PIBF1: variants seen among roughly 807,000 people sequenced by gnomAD.
PIBF1 encodes the protein progesterone-induced-blocking factor 1.
Under a neutral mutation model 112.5 loss-of-function variants are expected in PIBF1, and 90 were observed. That is an observed-to-expected ratio of 0.80 (90% CI 0.67 to 0.95). The LOEUF is 0.95. Ranked by LOEUF, PIBF1 falls within the 40% of genes least tolerant of loss-of-function variation. The pLI is 0.00. For synonymous variants in PIBF1, 301 were observed against 288.6 expected (o/e 1.04, Z -0.44); for missense variants, 915 against 852.3 (o/e 1.07, Z -0.92).
intron 11 of PIBF1, among the ~76,000 whole-genome samples, chr13:72,904,433 C>CTTTTTT (rs71099767): frequency 0.016 from 602 of 36,536 alleles, 146 homozygotes; most frequent in Admixed American, 0.024. Flanking sequence ...CAAAATATTT[C>CTTTTTT]TTTTTTTTTT....
At chr13:72,825,285 T>A (rs762214501) in intron 6 of PIBF1, among the ~76,000 whole-genome samples, 2 of 152,236 alleles carry the variant, frequency 1.3e-5, no homozygotes, top group Non-Finnish European at 2.9e-5. Flanking sequence ...CTGAATATGA[T>A]AATTATACTG....
chr13:72,985,678 C>T (rs527290513), intron 16 of PIBF1, among the ~76,000 whole-genome samples: 8 of 152,250 alleles, frequency 5.3e-5, no homozygotes, highest in South Asian at 2.1e-4. Flanking sequence ...TCACTGATCC[C>T]GTATCAAGGA....
chr13:72,957,853 G>A (rs2042491213), intron 14 of PIBF1, among the ~76,000 whole-genome samples: 1 of 152,034 alleles, frequency 6.6e-6, no homozygotes, highest in South Asian at 2.1e-4. Flanking sequence ...GGAGGCTGAA[G>A]TGGAAGGAGG....
rs117678675 is a variant in PIBF1, at chr13:72,870,428, G to C, written c.1322+16273G>C. Reference sequence around the variant, plus strand: ...AGAATCTGGAGAAAAATATGTACGTGTGCTCAGATTTCTCTTTGTTGGAGT... The same window carrying C: ...AGAATCTGGAGAAAAATATGTACGTCTGCTCAGATTTCTCTTTGTTGGAGT... On this transcript the variant is annotated intron_variant, in intron 10 of 17. Transcript: ENST00000326291. Among the ~76,000 whole-genome samples the C allele has an allele frequency of 1.6e-4, 24 of 152,272 alleles. No individual in the cohort carries two copies. The East Asian group carries it at 4.6e-3, about 29-fold the overall frequency.
intron 5 of PIBF1, among the ~76,000 whole-genome samples, chr13:72,808,801 A>G (rs1334862050): frequency 6.6e-6 from 1 of 152,192 alleles, no homozygotes; most frequent in Non-Finnish European, 1.5e-5. Context: ...CCAACCTGGC[A>G]CAGAATGGGA....
chr13:72,894,538 G>A (rs957014746), intron 11 of PIBF1, among the ~76,000 whole-genome samples: 20 of 151,698 alleles, frequency 1.3e-4, no homozygotes, highest in African/African-American at 4.6e-4. Flanking sequence ...GGTATAAAAT[G>A]TAAAGCCCCA....
chr13:72,795,235 G>A, intron 3 of PIBF1, 124 bp from the exon 4 acceptor site: 1 of 652,136 alleles, frequency 1.5e-6, no homozygotes, highest in Non-Finnish European at 2.7e-6. Flanking sequence ...TTTAGCTGGA[G>A]TAAGTAAATA....
chr13:72,886,984 A>C (rs958041512), intron 10 of PIBF1, among the ~76,000 whole-genome samples: 16 of 151,620 alleles, frequency 1.1e-4, no homozygotes, highest in African/African-American at 3.9e-4. Context: ...ACAATTTGGA[A>C]AATTTCACAT....
intron 14 of PIBF1, among the ~76,000 whole-genome samples, chr13:72,959,508 C>G (rs1321345367): frequency 1.3e-5 from 2 of 152,088 alleles, no homozygotes; most frequent in African/African-American, 4.8e-5. Flanking sequence ...GAAAGCAACT[C>G]AATGTTAAAT....
chr13:72,938,901 A>G (rs1256695096), intron 14 of PIBF1, among the ~76,000 whole-genome samples: 1 of 152,056 alleles, frequency 6.6e-6, no homozygotes, highest in Non-Finnish European at 1.5e-5. Context: ...TTTGCTTTGC[A>G]TTTCTCTAAT....
intron 9 of PIBF1, among the ~76,000 whole-genome samples, chr13:72,837,512 G>A (rs886652812): frequency 2.6e-5 from 4 of 151,962 alleles, no homozygotes; most frequent in African/African-American, 9.7e-5. Context: ...TTGCATGTAT[G>A]TGTATAAAAT....
intron 11 of PIBF1, among the ~76,000 whole-genome samples, chr13:72,907,669 A>C (rs2040747626): frequency 6.6e-6 from 1 of 152,044 alleles, no homozygotes; most frequent in South Asian, 2.1e-4. Context: ...CTGGCTCCAA[A>C]CCATATTCTT....
In PIBF1 at chr13:72,937,112, T is replaced by C. The variant is rs1223588206; in HGVS notation, c.1833+5845T>C. On this transcript the variant is annotated intron_variant, in intron 14 of 17. Coordinates refer to ENST00000326291, the MANE Select transcript of PIBF1 (RefSeq NM_006346.4). ...TCTTCTTTTAACCCGTCTGACAAAA[T>C]ATGATTTTCAATTGGAGATTTTTTT... Among the ~76,000 whole-genome samples the C allele has an allele frequency of 3.9e-5, 6 of 152,132 alleles. No individual in the cohort carries two copies. In the East Asian group the frequency reaches 1.2e-3, roughly 29 times the overall value.
At chr13:72,784,556 C>T (rs932535797) in intron 2 of PIBF1, among the ~76,000 whole-genome samples, 25 of 151,852 alleles carry the variant, frequency 1.6e-4, no homozygotes, top group African/African-American at 5.1e-4. Context: ...CTCAGGAGTT[C>T]GAGACTACCC....
At chr13:72,931,326 ACT>A (rs1265794127) in intron 14 of PIBF1, 59 bp downstream of exon 14, 5 of 1,066,090 alleles carry the variant, frequency 4.7e-6, no homozygotes, top group East Asian at 2.4e-5. Flanking sequence ...ATTGTTTGTA[ACT>A]CTTTTATTTT....
At chr13:72,861,056 A>T (rs184722046) in intron 10 of PIBF1, among the ~76,000 whole-genome samples, 1 of 152,310 alleles carries the variant, frequency 6.6e-6, no homozygotes, top group Non-Finnish European at 1.5e-5. Context: ...AGAATACTAT[A>T]TTGGGATCTA....
intron 9 of PIBF1, among the ~76,000 whole-genome samples, chr13:72,844,727 TTACACACACACA>T (rs2037757370): frequency 1.8e-5 from 1 of 54,222 alleles, no homozygotes; most frequent in Non-Finnish European, 3.4e-5. Context: ...GTAATTTTAT[TTACACACACACA>T]CACACACACA....
At position 72,788,949 on chromosome 13, in the gene PIBF1, G is replaced by A. The variant is rs75299976; in HGVS notation, c.253-3498G>A. The stretch of plus-strand genomic sequence containing the variant: ...TACTAGGAATAGTCTTGGCCGTATT[G>A]ATTTGAATTCTCCATGTCTAAAAAC... On this transcript the variant is annotated intron_variant, in intron 2 of 17. Coordinates refer to ENST00000326291, the MANE Select transcript of PIBF1 (RefSeq NM_006346.4). Among the ~76,000 whole-genome samples the A allele has an allele frequency of 6.9e-3, 1,048 of 152,196 alleles. 15 individuals are homozygous for A. The highest frequency in any genetic ancestry group is 0.024 in the African/African-American group (1,012 of 41,516).
chr13:72,922,414 T>TTTGCTATTTTCA, intron 13 of PIBF1, among the ~76,000 whole-genome samples: 1 of 152,206 alleles, frequency 6.6e-6, no homozygotes, highest in African/African-American at 2.4e-5. Flanking sequence ...CAGTTGTGAT[T>TTTGCTATTTTCA]GTTTTGAAAA....
Sources: allele counts gnomAD v4.1 joint callset (sites outside exome capture counted in the v4.1 genomes callset), GRCh38; gene constraint gnomAD v4.1.1; transcripts MANE v1.5; gene names NCBI Gene and HGNC (gene_info 2026-07-23, HGNC 2026-07-21).